PPOX: variants seen among roughly 807,000 people sequenced by gnomAD.
PPOX encodes the protein variegate porphyria.
Under a neutral mutation model 54.1 loss-of-function variants are expected in PPOX, and 23 were observed. The observed-to-expected ratio is 0.43, with a 90% CI of 0.31 to 0.60. The LOEUF is 0.60. Among genes scored for constraint, PPOX ranks in the 20% least tolerant of loss-of-function variants. PPOX has a pLI of 0.13. For synonymous variants in PPOX, 224 were observed against 236.1 expected (o/e 0.95, Z 0.47); for missense variants, 512 against 601.1 (o/e 0.85, Z 1.55).
intron 4 of PPOX, 119 bp from the exon 5 acceptor site, chr1:161,167,876 T>A (rs1659689253): frequency 6.5e-7 from 1 of 1,527,254 alleles, no homozygotes; most frequent in East Asian, 2.3e-5. Context: ...CTTCCATTTC[T>A]TCATCTCCCT....
downstream of PPOX, chr1:161,171,975 G>A (rs1316262728): frequency 5.6e-6 from 9 of 1,614,062 alleles, no homozygotes; most frequent in African/African-American, 5.3e-5. Context: ...CAGTCCCAAT[G>A]TCTGCTGTGA....
At chr1:161,171,737 GA>G, downstream of PPOX, 4 of 1,547,752 alleles carry the variant, frequency 2.6e-6, no homozygotes, top group Non-Finnish European at 3.5e-6. Context: ...ATCCCTCTGA[GA>G]ACAGTGAGGA....
In PPOX at chr1:161,166,877, AGGCATCAGCGG is replaced by A. The variant is rs781628411; in HGVS notation, c.31_41del (p.Gly11LeufsTer15). The A allele has an allele frequency of 6.2e-7, 1 of 1,613,788 alleles. No individual in the cohort carries two copies. The highest frequency in any genetic ancestry group is 8.5e-7 in the Non-Finnish European group (1 of 1,180,010). ...GCCGGACCGTGGTCGTGCTGGGCGG[AGGCATCAGCGG>A]CTTGGCCGCCAGTTACCACCTGAGC... On this transcript the variant is annotated frameshift_variant, in exon 2 of 13. Transcript: ENST00000367999. LOFTEE classifies it high-confidence loss of function.
intron 4 of PPOX, chr1:161,176,496 T>C (rs1427865944): frequency 2.6e-6 from 1 of 387,476 alleles, no homozygotes; most frequent in Non-Finnish European, 4.7e-6. Context: ...GGGACAGAGA[T>C]GTGAGGCATT....
At position 161,170,892 on chromosome 1, in the gene PPOX, C is replaced by A. The variant is rs1212448856; in HGVS notation, c.1249-15C>A. ...AATAATAAACTTTTCCCTGCATCCTCTCCTCTCTTCTCAGAACTGCATTCC... is the reference window on the plus strand; with the variant it reads ...AATAATAAACTTTTCCCTGCATCCTATCCTCTCTTCTCAGAACTGCATTCC... On this transcript the variant is annotated splice_polypyrimidine_tract_variant and intron_variant, in intron 11 of 12. Transcript: ENST00000367999. 1 of 1,614,002 alleles carries A rather than the reference C, an allele frequency of 6.2e-7. No individual in the cohort carries two copies. The highest frequency in any genetic ancestry group is 1.3e-5 in the African/African-American group (1 of 74,944).
downstream of PPOX, chr1:161,173,791 G>A (rs1662398990): frequency 3.1e-6 from 5 of 1,610,752 alleles, no homozygotes; most frequent in Non-Finnish European, 4.2e-6. Flanking sequence ...ACCACAATCC[G>A]CTTGGCTCTC....
Position 161,170,909 on chromosome 1 carries a change from C to T in PPOX, c.1251C>T (p.Asn417=), listed in dbSNP as rs1212598339. The stretch of plus-strand genomic sequence containing the variant: ...TGCATCCTCTCCTCTCTTCTCAGAA[C>T]TGCATTCCCCAGTATACACTAGGTC... ...PSHCLVHLHK[N]CIPQYTLGHW... The change falls in exon 12 of 13, where the codon AAC becomes AAT. Residue 417 remains asparagine (N), a splice_region_variant and synonymous_variant. Transcript: ENST00000367999. The T allele has an allele frequency of 1.9e-6, 3 of 1,613,982 alleles. No individual in the cohort carries two copies. The highest frequency in any genetic ancestry group is 2.5e-6 in the Non-Finnish European group (3 of 1,180,044).
Position 161,168,493 on chromosome 1 carries a change from T to C in PPOX, c.533T>C (p.Leu178Pro). ...RGVFAGNSRE[L>P]SIRSCFPSLF... ...GTGTTTGCAGGCAACAGCCGTGAGC[T>C]CAGCATCAGGTCCTGCTTTCCCAGT... The change falls in exon 6 of 13, where the codon CTC becomes CCC. Residue 178 changes from leucine (L) to proline (P), a missense_variant. Transcript: ENST00000367999. The C allele has an allele frequency of 6.2e-7, 1 of 1,614,144 alleles. No homozygotes were observed. The highest frequency in any genetic ancestry group is 1.1e-5 in the South Asian group (1 of 91,080).
At chr1:161,169,235 C>A in intron 7 of PPOX, 52 bp downstream of exon 7, 1 of 1,600,230 alleles carries the variant, frequency 6.2e-7, no homozygotes. Flanking sequence ...CATCTTTATC[C>A]AAGTGGCTTA....
At position 161,167,657 on chromosome 1, in the gene PPOX, C is replaced by T. The variant is rs761896330; in HGVS notation, c.338+171C>T. 8.1e-5 allele frequency: 76 copies of T among 937,686 alleles called. 1 individual carries two copies. The highest frequency in any genetic ancestry group is 1.0e-4 in the Non-Finnish European group (69 of 659,260). The allele number at this position is 937,686 out of a possible 1,614,324, so 58.1% of individuals were successfully genotyped here. ...TTGGCTCACTGCAACTTCCGCCTTT[C>T]GGGTTCAAGCGATTCTCCTGCCTCA... On this transcript the variant is annotated intron_variant, in intron 4 of 12. Transcript: ENST00000367999.
chr1:161,176,379 G>A, intron 4 of PPOX: 1 of 459,462 alleles, frequency 2.2e-6, no homozygotes, highest in Non-Finnish European at 3.9e-6. Flanking sequence ...GTTCATTTCA[G>A]AAAGTCTCTA....
downstream of PPOX, chr1:161,176,019 C>A (rs372702560): frequency 1.5e-5 from 24 of 1,614,036 alleles, no homozygotes; most frequent in Non-Finnish European, 3.4e-6. Context: ...AGCCCACAAG[C>A]AGGGCCAGCG....
At chr1:161,175,979 G>A, downstream of PPOX, 1 of 1,614,124 alleles carries the variant, frequency 6.2e-7, no homozygotes, top group Non-Finnish European at 8.5e-7. Context: ...AAGCCCCCCA[G>A]TGACAGGTAC....
At chr1:161,168,962 C>A in intron 6 of PPOX, 31 bp from the exon 7 acceptor site, 1 of 1,611,728 alleles carries the variant, frequency 6.2e-7, no homozygotes, top group East Asian at 2.2e-5. Flanking sequence ...CTGCATCCAG[C>A]CTCAATGATT....
At chr1:161,175,023 C>T (rs770982981), downstream of PPOX, 2 of 1,613,578 alleles carry the variant, frequency 1.2e-6, no homozygotes, top group Non-Finnish European at 1.7e-6. Flanking sequence ...CATAAGCAAG[C>T]TGCTGGCGCT....
At chr1:161,174,374 C>G (rs962339752), downstream of PPOX, among the ~76,000 whole-genome samples, 2 of 148,376 alleles carry the variant, frequency 1.3e-5, no homozygotes, top group Non-Finnish European at 3.0e-5. Context: ...TGCCACTGCA[C>G]TCCAGCCTGG....
chr1:161,165,759 T>C (rs941263213), upstream of PPOX: 2 of 252,386 alleles, frequency 7.9e-6, no homozygotes, highest in East Asian at 8.0e-5. Context: ...TAGGGGGTGA[T>C]AGAGAACTGA....
Position 161,166,660 on chromosome 1 carries a change from C to A in PPOX, c.-21C>A, listed in dbSNP as rs747389694. The A allele has an allele frequency of 4.4e-5, 65 of 1,488,840 alleles. No individual in the cohort carries two copies. The highest frequency in any genetic ancestry group is 5.4e-5 in the Non-Finnish European group (61 of 1,122,784). 92.2% of individuals were successfully genotyped at this position (1,488,840 alleles called of 1,614,324 possible). A position where few individuals can be genotyped will look rare whatever the true frequency, so the allele number is the denominator to read the frequency against. ...CCTTCTCCCTCATTTTCTCTCATCC[C>A]TACCTATTGTGGGTGAGTCCTGGCC... is the stretch of plus-strand genomic sequence containing the variant. On this transcript the variant is annotated 5_prime_UTR_variant, in exon 1 of 13. Coordinates refer to ENST00000367999, the MANE Select transcript of PPOX (RefSeq NM_001122764.3).
chr1:161,176,126 C>G, downstream of PPOX: 1 of 1,585,408 alleles, frequency 6.3e-7, no homozygotes, highest in Non-Finnish European at 8.6e-7. Context: ...AGCAAGCCAG[C>G]AGAGAGGTCA....
Sources: gnomAD v4.1 joint callset for allele counts (sites outside exome capture counted in the v4.1 genomes callset) on GRCh38, gnomAD v4.1.1 for gene constraint, MANE v1.5 for transcripts, NCBI Gene and HGNC (gene_info 2026-07-23, HGNC 2026-07-21) for gene names.